The following SDK1 variants were observed in gnomAD, a reference collection of about 807,000 sequenced individuals.
SDK1 encodes the protein sidekick cell adhesion molecule 1, also known as protein sidekick-1.
SDK1 carries 157 observed loss-of-function variants against 245.5 expected under a neutral mutation model. That is an observed-to-expected ratio of 0.64 (90% confidence interval 0.56 to 0.73). SDK1 has a LOEUF of 0.73. SDK1 is among the 30% of genes least tolerant of loss of function. The probability of loss-of-function intolerance (pLI) is 0.00; values close to 1 mark genes in which losing one functional copy is unlikely to be tolerated. For synonymous variants in SDK1, 1,647 were observed against 1,278.5 expected (o/e 1.29, Z -6.15); for missense variants, 3,583 against 3,002.3 (o/e 1.19, Z -4.52).
chr7:4,008,290 G>A (rs1315692675), intron 14 of SDK1, among the ~76,000 whole-genome samples: 3 of 152,182 alleles, frequency 2.0e-5, no homozygotes, highest in African/African-American at 2.4e-5. Flanking sequence ...TTCATCCATC[G>A]GTGGGCAGTT....
chr7:4,198,723 G>C (rs1164877590), intron 35 of SDK1, among the ~76,000 whole-genome samples: 1 of 152,108 alleles, frequency 6.6e-6, no homozygotes, highest in African/African-American at 2.4e-5. Flanking sequence ...CTTAGGGTTA[G>C]GCAGATCCAA....
intron 35 of SDK1, among the ~76,000 whole-genome samples, chr7:4,194,293 C>T (rs964673406): frequency 4.0e-5 from 4 of 98,774 alleles, no homozygotes; most frequent in Non-Finnish European, 4.4e-5. Context: ...TATGTATGCA[C>T]GTATGTGTAT....
chr7:3,785,068 CAGAG>C (rs1274321215), intron 4 of SDK1, among the ~76,000 whole-genome samples: 1 of 152,176 alleles, frequency 6.6e-6, no homozygotes, highest in African/African-American at 2.4e-5. Context: ...TGGATGGAAT[CAGAG>C]AGCGTTATCC....
chr7:3,499,760 C>T (rs1208446682), intron 1 of SDK1, among the ~76,000 whole-genome samples: 4 of 152,156 alleles, frequency 2.6e-5, no homozygotes, highest in Non-Finnish European at 5.9e-5. Flanking sequence ...TTTACCAAAG[C>T]CCCTTCTGTG....
intron 1 of SDK1, among the ~76,000 whole-genome samples, chr7:3,475,445 G>A (rs1158577639): frequency 1.3e-5 from 2 of 152,208 alleles, no homozygotes; most frequent in Middle Eastern, 3.2e-3. Flanking sequence ...CTTGGAGCAC[G>A]TCTCTCTCAC....
chr7:3,816,301 C>G (rs1779506488), intron 4 of SDK1, among the ~76,000 whole-genome samples: 2 of 151,706 alleles, frequency 1.3e-5, no homozygotes, highest in South Asian at 2.1e-4. Flanking sequence ...CTCAATGAAT[C>G]CAGGAGCTGG....
chr7:3,373,442 C>T (rs980204271), intron 1 of SDK1, among the ~76,000 whole-genome samples: 1 of 152,176 alleles, frequency 6.6e-6, no homozygotes. Context: ...TAGGGAGGTA[C>T]TTGACAAAAC....
At chr7:4,059,882 T>A (rs928496117) in intron 19 of SDK1, among the ~76,000 whole-genome samples, 2 of 111,154 alleles carry the variant, frequency 1.8e-5, no homozygotes, top group Non-Finnish European at 2.0e-5. Context: ...TAAAAATTTC[T>A]TTTTTTTTTT....
chr7:3,620,138 C>T (rs79754926), intron 2 of SDK1, among the ~76,000 whole-genome samples: 4,591 of 152,056 alleles, frequency 0.03, 205 homozygotes, highest in African/African-American at 0.099. Flanking sequence ...ACAAGCTTCT[C>T]AAATGGGGAA....
At chr7:3,880,912 G>A (rs1962783) in intron 5 of SDK1, among the ~76,000 whole-genome samples, 3 of 151,836 alleles carry the variant, frequency 2.0e-5, no homozygotes, top group Admixed American at 6.6e-5. Context: ...CGAGGAAGGC[G>A]TCGAGTTCAG....
At chr7:4,032,206 T>C (rs995385006) in intron 17 of SDK1, among the ~76,000 whole-genome samples, 1 of 152,100 alleles carries the variant, frequency 6.6e-6, no homozygotes, top group Admixed American at 6.6e-5. Flanking sequence ...ATTATCAAAA[T>C]CCAACAGTAC....
At chr7:3,777,997 T>C (rs1232082759) in intron 4 of SDK1, among the ~76,000 whole-genome samples, 1 of 152,244 alleles carries the variant, frequency 6.6e-6, no homozygotes, top group Admixed American at 6.5e-5. Flanking sequence ...GCTGACATTT[T>C]CTAACATGAT....
chr7:3,391,180 T>A (rs1781739170), intron 1 of SDK1, among the ~76,000 whole-genome samples: 1 of 151,792 alleles, frequency 6.6e-6, no homozygotes, highest in South Asian at 2.1e-4. Flanking sequence ...TTACATAAAG[T>A]GGTACTATGT....
At chr7:4,193,896 G>T (rs759913351) in intron 35 of SDK1, among the ~76,000 whole-genome samples, 13 of 152,132 alleles carry the variant, frequency 8.5e-5, no homozygotes, top group East Asian at 1.9e-4. Context: ...ATGGTCAGAG[G>T]TATTATGTAT....
intron 1 of SDK1, among the ~76,000 whole-genome samples, chr7:3,390,725 C>G (rs1306813307): frequency 6.6e-6 from 1 of 152,070 alleles, no homozygotes; most frequent in Admixed American, 6.6e-5. Flanking sequence ...TTGGAACCAC[C>G]AGAAGCTAGG....
At chr7:3,975,307 C>T (rs781337642) in intron 13 of SDK1, among the ~76,000 whole-genome samples, 36 of 152,270 alleles carry the variant, frequency 2.4e-4, no homozygotes, top group East Asian at 5.8e-4. Flanking sequence ...GAATCCCAAC[C>T]GAGCACTCAT....
At chr7:4,237,936 G>C in intron 42 of SDK1, 152 bp downstream of exon 42, 1 of 944,412 alleles carries the variant, frequency 1.1e-6, no homozygotes, top group Non-Finnish European at 1.6e-6. Context: ...TTCTTTCTGG[G>C]GGCAGCCAGG....
chr7:3,644,043 C>T (rs556440930), intron 4 of SDK1, among the ~76,000 whole-genome samples: 82 of 151,170 alleles, frequency 5.4e-4, no homozygotes, highest in Non-Finnish European at 1.0e-3. Context: ...GCTGGGACTG[C>T]AGGTGTGTGT....
rs138496651 is a variant in SDK1, at chr7:3,387,522, G to A, written c.298+85638G>A. Among the ~76,000 whole-genome samples the A allele has an allele frequency of 5.4e-3, 829 of 152,310 alleles. 10 individuals are homozygous for A. Among genetic ancestry groups the A allele is most frequent in the African/African-American group, 0.019 (783 of 41,562 alleles). On this transcript the variant is annotated intron_variant, in intron 1 of 44. Coordinates refer to ENST00000404826, the MANE Select transcript of SDK1 (RefSeq NM_152744.4). ...ACACTTCCAACATCATGTAAGAGCTGCATATGCCAATCACAGTGGAGTTTT... is the reference window on the plus strand; with the variant it reads ...ACACTTCCAACATCATGTAAGAGCTACATATGCCAATCACAGTGGAGTTTT...
Sources: allele counts gnomAD v4.1 joint callset (sites outside exome capture counted in the v4.1 genomes callset), GRCh38; gene constraint gnomAD v4.1.1; transcripts MANE v1.5; gene names NCBI Gene and HGNC (gene_info 2026-07-23, HGNC 2026-07-21).